The following PLEKHA2 variants were observed in gnomAD, a reference collection of about 807,000 sequenced individuals.
PLEKHA2 encodes pleckstrin homology domain-containing family A member 2.
Under a neutral mutation model 53.2 loss-of-function variants are expected in PLEKHA2, and 28 were observed. That is an observed-to-expected ratio of 0.53 (90% CI 0.39 to 0.72). The LOEUF is 0.72. Ranked by LOEUF, PLEKHA2 falls within the 30% of genes least tolerant of loss-of-function variation. The pLI, the probability that PLEKHA2 is intolerant of heterozygous loss-of-function variation, is 0.00. For synonymous variants in PLEKHA2, 193 were observed against 196.4 expected (o/e 0.98, Z 0.14); for missense variants, 426 against 537.9 (o/e 0.79, Z 2.06).
chr8:38,911,691 A>T (rs1338474221), intron 1 of PLEKHA2, among the ~76,000 whole-genome samples: 1 of 152,192 alleles, frequency 6.6e-6, no homozygotes, highest in African/African-American at 2.4e-5. Context: ...AATGAAATTT[A>T]AGGCTGGGTG....
rs137859450 is a variant in PLEKHA2, at chr8:38,903,708, G to A, written c.-24+2263G>A. Among the ~76,000 whole-genome samples, 780 of 152,302 alleles carry A rather than the reference G, an allele frequency of 5.1e-3. 6 individuals are homozygous for A. Among genetic ancestry groups the A allele is most frequent in the African/African-American group, 0.016 (663 of 41,548 alleles). On this transcript the variant is annotated intron_variant, in intron 1 of 11. Transcript: ENST00000617275. ...CAATTCATGGGACAGATGGACAGGT[G>A]GGTGATGCCCCTGCTGAAAGGCTGG...
At chr8:38,951,998 C>T (rs1248264480) in intron 6 of PLEKHA2, among the ~76,000 whole-genome samples, 168 bp from the exon 7 acceptor site, 1 of 152,218 alleles carries the variant, frequency 6.6e-6, no homozygotes, top group East Asian at 1.9e-4. Flanking sequence ...GATCCTCCTG[C>T]CTTGGCCTCC....
At chr8:38,920,463 C>T (rs1016091006) in intron 2 of PLEKHA2, among the ~76,000 whole-genome samples, 1 of 151,760 alleles carries the variant, frequency 6.6e-6, no homozygotes, top group African/African-American at 2.4e-5. Context: ...TTAGTAGAGA[C>T]AAGGTTTTAC....
At chr8:38,901,491 G>A (rs1364207729) in intron 1 of PLEKHA2, 46 bp downstream of exon 1, 1 of 151,864 alleles carries the variant, frequency 6.6e-6, no homozygotes, top group East Asian at 1.9e-4. Flanking sequence ...AGGCGCAGAG[G>A]GGCGCGCGGG....
At chr8:38,954,158 T>G in intron 9 of PLEKHA2, among the ~76,000 whole-genome samples, 1 of 152,200 alleles carries the variant, frequency 6.6e-6, no homozygotes, top group African/African-American at 2.4e-5. Context: ...TCAGGAAAGC[T>G]GTTCACAGCA....
rs56714628 is a variant in PLEKHA2, at chr8:38,964,852, C to CTTTTTTTTTTTTTT, written c.838-3723_838-3710dup. On this transcript the variant is annotated intron_variant, in intron 10 of 11. Coordinates refer to ENST00000617275, the MANE Select transcript of PLEKHA2 (RefSeq NM_021623.2). ...TATTTTATTTTTTCTTGTTACTTCCCTTTTTTTTTTTTTTTTTTTTTTTTT... is the reference window on the plus strand; with the variant it reads ...TATTTTATTTTTTCTTGTTACTTCCCTTTTTTTTTTTTTTTTTTTTTTTTTTTTTTTTTTTTTTT... Among the ~76,000 whole-genome samples, 2 of 54,968 alleles carry CTTTTTTTTTTTTTT rather than the reference C, an allele frequency of 3.6e-5. 1 individual carries two copies. Among genetic ancestry groups the CTTTTTTTTTTTTTT allele is most frequent in the East Asian group, 1.7e-3 (2 of 1,170 alleles). 36.1% of individuals were successfully genotyped at this position (54,968 alleles called of 152,430 possible).
chr8:38,912,654 G>A (rs930242220), intron 1 of PLEKHA2, among the ~76,000 whole-genome samples: 2 of 152,200 alleles, frequency 1.3e-5, no homozygotes, highest in African/African-American at 4.8e-5. Context: ...GGGCAGCTCT[G>A]TGGACCCAAT....
At chr8:38,939,634 G>A (rs1024385539) in intron 3 of PLEKHA2, among the ~76,000 whole-genome samples, 1 of 152,228 alleles carries the variant, frequency 6.6e-6, no homozygotes, top group African/African-American at 2.4e-5. Context: ...CTAATCAGTT[G>A]TGGTCAAAAC....
At chr8:38,968,299 G>A in intron 10 of PLEKHA2, among the ~76,000 whole-genome samples, 1 of 152,144 alleles carries the variant, frequency 6.6e-6, no homozygotes, top group Admixed American at 6.5e-5. Context: ...TTGTTTTCTG[G>A]AGGGGGTGAT....
intron 5 of PLEKHA2, among the ~76,000 whole-genome samples, chr8:38,950,354 C>T (rs1268726671): frequency 6.6e-6 from 1 of 152,184 alleles, no homozygotes; most frequent in Non-Finnish European, 1.5e-5. Context: ...GCTTACCCTC[C>T]AGGTTGCCGT....
chr8:38,936,014 A>G lies in PLEKHA2; in HGVS notation c.162A>G (p.Gly54=), dbSNP rs1395434864. ...DNPQNLAMGA[G]AVGALQLTYI... ...TTCAGAATCTGGCAATGGGGGCAGG[A>G]GCTGTTGGAGCTTTGCAGCTGACCT... Residue 54 remains glycine, a synonymous_variant, in exon 3 of 12, where the codon GGA becomes GGG. Transcript: ENST00000617275. The G allele has an allele frequency of 6.2e-7, 1 of 1,613,504 alleles. No individual in the cohort carries two copies. The highest frequency in any genetic ancestry group is 8.5e-7 in the Non-Finnish European group (1 of 1,179,602).
Position 38,943,816 on chromosome 8 carries a change from C to T in PLEKHA2, c.226C>T (p.Pro76Ser). 7.6e-6 allele frequency: 12 copies of T among 1,582,082 alleles called. No homozygotes were observed. Among genetic ancestry groups the T allele is most frequent in the Non-Finnish European group, 1.0e-5 (12 of 1,163,588 alleles). Residue 76 changes from proline (P) to serine (S), a missense_variant, in exon 4 of 12, where the codon CCA becomes TCA. Transcript: ENST00000617275. ...KVSIATPKQK[P>S]KTPFCFVINA... ...GAGCATAGCTACCCCAAAACAGAAA[C>T]CAAAAACTCCATTTTGCTTTGGTAA... is the stretch of plus-strand genomic sequence containing the variant.
chr8:38,936,470 G>T (rs1383375106), intron 3 of PLEKHA2, among the ~76,000 whole-genome samples: 1 of 152,196 alleles, frequency 6.6e-6, no homozygotes, highest in Non-Finnish European at 1.5e-5. Context: ...AAAAAATATT[G>T]GGGCTTCACT....
At chr8:38,965,728 T>A (rs371433571) in intron 10 of PLEKHA2, among the ~76,000 whole-genome samples, 79 of 152,294 alleles carry the variant, frequency 5.2e-4, no homozygotes, top group African/African-American at 1.8e-3. Flanking sequence ...GGTCTTCTTA[T>A]GGAGAGGGCA....
At chr8:38,903,479 C>T (rs1014176629) in intron 1 of PLEKHA2, among the ~76,000 whole-genome samples, 8 of 152,178 alleles carry the variant, frequency 5.3e-5, no homozygotes, top group Non-Finnish European at 1.0e-4. Context: ...GAACCATATT[C>T]AGCTCGGTAT....
chr8:38,972,007 A>G lies in PLEKHA2; in HGVS notation c.*2224A>G, dbSNP rs541343520. ...ATTAATTGGCCATTATAATAAGCTG[A>G]TTTGTTTCTTATTCAGCAAGATCTC... On this transcript the variant is annotated 3_prime_UTR_variant, in exon 12 of 12. Transcript: ENST00000617275. The G allele has an allele frequency of 6.6e-6, 1 of 152,294 alleles. No individual in the cohort carries two copies. Among genetic ancestry groups the G allele is most frequent in the South Asian group, 2.1e-4 (1 of 4,824 alleles). The allele number at this position is 152,294 out of a possible 1,614,324, so 9.4% of individuals were successfully genotyped here. A position where few individuals can be genotyped will look rare whatever the true frequency, so the allele number is the denominator to read the frequency against.
chr8:38,918,418 C>CG (rs1834103360), intron 2 of PLEKHA2, among the ~76,000 whole-genome samples: 2 of 149,260 alleles, frequency 1.3e-5, no homozygotes, highest in Non-Finnish European at 3.0e-5. Flanking sequence ...GACACATACA[C>CG]ACACCACACA....
chr8:38,963,742 C>T (rs1256935045), intron 10 of PLEKHA2, among the ~76,000 whole-genome samples: 7 of 152,158 alleles, frequency 4.6e-5, no homozygotes, highest in Non-Finnish European at 1.0e-4. Flanking sequence ...TGTTTCTTCT[C>T]ATATGGAATT....
intron 3 of PLEKHA2, among the ~76,000 whole-genome samples, chr8:38,943,151 C>T (rs377309181): frequency 4.6e-5 from 7 of 152,070 alleles, no homozygotes; most frequent in African/African-American, 1.7e-4. Context: ...GTGAATGAGG[C>T]CAGGATAGGT....
Sources: allele counts gnomAD v4.1 joint callset (sites outside exome capture counted in the v4.1 genomes callset), GRCh38; gene constraint gnomAD v4.1.1; transcripts MANE v1.5; gene names NCBI Gene and HGNC (gene_info 2026-07-23, HGNC 2026-07-21).